PLXND1: variants seen among roughly 807,000 people sequenced by gnomAD.
PLXND1 encodes plexin D1.
A neutral mutation model predicts 197.7 loss-of-function variants in PLXND1; 54 were observed. The observed-to-expected ratio is 0.27, with a 90% CI of 0.22 to 0.34. PLXND1 has a LOEUF of 0.34. PLXND1 is among the 10% of genes least tolerant of loss of function. PLXND1 has a pLI of 1.00. For synonymous variants in PLXND1, 1,180 were observed against 1,161.2 expected, an observed-to-expected ratio of 1.02 and a Z score of -0.33; for missense variants, 2,127 against 2,699.2, an observed-to-expected ratio of 0.79 and a Z score of 4.70.
chr3:129,570,776 ATC>A lies in PLXND1; in HGVS notation c.3750+8_3750+9del. 2 of 1,613,782 alleles carry A rather than the reference ATC, an allele frequency of 1.2e-6. No individual in the cohort carries two copies. The highest frequency in any genetic ancestry group is 1.7e-6 in the Non-Finnish European group (2 of 1,179,766). On this transcript the variant is annotated splice_region_variant and intron_variant, in intron 19 of 35. Transcript: ENST00000324093. ...CAGGTCTGCCCTGCTCCGGCGCCCCATCCACTCACTGTGATGGGCAGCTGCCC... is the reference window on the plus strand; with the variant it reads ...CAGGTCTGCCCTGCTCCGGCGCCCCACACTCACTGTGATGGGCAGCTGCCC...
In PLXND1 at chr3:129,591,926, T is replaced by A. The variant is rs1478827461; in HGVS notation, c.1312-2399A>T. Among the ~76,000 whole-genome samples, 6 of 152,122 alleles carry A rather than the reference T, an allele frequency of 3.9e-5. No individual in the cohort carries two copies. The East Asian group carries it at 1.2e-3, about 29-fold the overall frequency. ...TGGTTTCCAGGACACTCAGAATAAA[T>A]CCTGAATCCTAAATCCTCCCGTGGG... On this transcript the variant is annotated intron_variant, in intron 1 of 35. Coordinates refer to ENST00000324093, the MANE Select transcript of PLXND1 (RefSeq NM_015103.3).
In PLXND1 at chr3:129,606,603, C is replaced by A. The variant is rs1301198264; in HGVS notation, c.37G>T (p.Ala13Ser). ...PRAAGGAPLSARAAAASPPPF... is the reference protein window; with the variant it reads ...PRAAGGAPLSSRAAAASPPPF... ...GGGGGGCTGGCGGCGGCGGCCCGGG[C>A]GCTAAGGGGTGCGCCGCCCGCGGCG... The change falls in exon 1 of 36, where the codon GCC (alanine) becomes TCC (serine). Residue 13 changes from alanine (A) to serine (S), a missense_variant. Ala to Ser is a moderately conservative substitution (Grantham distance 99). Transcript: ENST00000324093. 8 of 1,199,050 alleles carry A rather than the reference C, an allele frequency of 6.7e-6. No homozygotes were observed. Among genetic ancestry groups the A allele is most frequent in the Non-Finnish European group, 8.3e-6 (8 of 967,556 alleles). The allele number at this position is 1,199,050 out of a possible 1,614,324, so 74.3% of individuals were successfully genotyped here. A position where few individuals can be genotyped will look rare whatever the true frequency, so the allele number is the denominator to read the frequency against.
chr3:129,561,833 G>T lies in PLXND1; in HGVS notation c.4896C>A (p.Gly1632=). Reference sequence around the variant, plus strand: ...GGGCCAGCGTGTTAAGCTTCTTGCGGCCGTCTTCCACCACTGAGGTGTCGT... The same window carrying T: ...GGGCCAGCGTGTTAAGCTTCTTGCGTCCGTCTTCCACCACTGAGGTGTCGT... ...DLDDTSVVED[G]RKKLNTLAHY... Residue 1632 remains glycine (G), a synonymous_variant, in exon 28 of 36, where the codon GGC becomes GGA. Coordinates refer to ENST00000324093, the MANE Select transcript of PLXND1 (RefSeq NM_015103.3). The T allele has an allele frequency of 6.2e-7, 1 of 1,613,844 alleles. No individual in the cohort carries two copies. The highest frequency in any genetic ancestry group is 8.5e-7 in the Non-Finnish European group (1 of 1,179,812).
chr3:129,569,562 A>G (rs150637474), intron 20 of PLXND1: 157 of 415,558 alleles, frequency 3.8e-4, no homozygotes, highest in African/African-American at 2.7e-3. Context: ...GTAGCTCTCT[A>G]TTGACTGGAG....
At chr3:129,584,901 G>A (rs2625998) in intron 5 of PLXND1, among the ~76,000 whole-genome samples, 46,610 of 151,956 alleles carry the variant, frequency 0.31, 7,973 homozygotes, top group East Asian at 0.75. Context: ...CCACCCAGAC[G>A]CTCTTTCCAG....
At chr3:129,575,960 G>A (rs1217973875) in intron 9 of PLXND1, 105 bp from the exon 10 acceptor site, 1 of 725,022 alleles carries the variant, frequency 1.4e-6, no homozygotes, top group Non-Finnish European at 2.5e-6. Context: ...GGAAAGGTGG[G>A]CTTGGTCGAA....
chr3:129,589,310 T>TGCCACCCC, intron 2 of PLXND1, 41 bp downstream of exon 2: 5 of 501,290 alleles, frequency 1.0e-5, no homozygotes, highest in African/African-American at 4.3e-5. Context: ...CAGGGGAGCC[T>TGCCACCCC]CCCACCCCCA....
intron 19 of PLXND1, among the ~76,000 whole-genome samples, chr3:129,570,177 T>C (rs1383318323): frequency 6.6e-6 from 1 of 152,070 alleles, no homozygotes; most frequent in Non-Finnish European, 1.5e-5. Context: ...CAGAGGTGGC[T>C]CAATGCAGGG....
chr3:129,580,821 G>A (rs1000531301), intron 8 of PLXND1, among the ~76,000 whole-genome samples: 3 of 151,734 alleles, frequency 2.0e-5, no homozygotes, highest in South Asian at 2.1e-4. Flanking sequence ...CCCTCCCTAC[G>A]TCTCTGTACC....
Position 129,583,669 on chromosome 3 carries a change from G to T in PLXND1, c.2139C>A (p.Ala713=). 6.2e-7 allele frequency: 1 copy of T among 1,609,350 alleles called. No individual in the cohort carries two copies. Reference sequence around the variant, plus strand: ...ACTGTGCCGACAGGCAGCTGGTACAGCTGGAAGACAAGGAGGCCCCTCAAC... The same window carrying T: ...ACTGTGCCGACAGGCAGCTGGTACATCTGGAAGACAAGGAGGCCCCTCAAC... The part of the protein sequence containing the change: ...SRTAQVYPHT[A]CTSCLSAQWP... The change falls in exon 8 of 36, where the codon GCC becomes GCA. Residue 713 remains alanine, a splice_region_variant and synonymous_variant. Transcript: ENST00000324093.
intron 2 of PLXND1, 41 bp downstream of exon 2, chr3:129,589,310 T>TGGGGCCCCCCCCCCCCCCCCCC: frequency 2.0e-6 from 1 of 501,292 alleles, no homozygotes; most frequent in Non-Finnish European, 3.8e-6. Context: ...CAGGGGAGCC[T>TGGGGCCCCCCCCCCCCCCCCCC]CCCACCCCCA....
At position 129,572,688 on chromosome 3, in the gene PLXND1, T is replaced by C. The variant is rs747234882; in HGVS notation, c.2998A>G (p.Thr1000Ala). ...ACATGGAGGTCATTCCCATGGATGG[T>C]GATCCTGGTGCCCCCGGCCTTGGGG... ...MGPKAGGTRITIHGNDLHVGS... is the reference protein window; with the variant it reads ...MGPKAGGTRIAIHGNDLHVGS... Residue 1000 changes from threonine to alanine, a missense_variant, in exon 15 of 36, where the codon ACC (threonine) becomes GCC (alanine). Physicochemically the swap from Thr to Ala is moderately conservative, Grantham distance 58. Around this residue, in one of 6 missense-constraint regions of PLXND1, gnomAD observed 1,095 missense variants for 1,259.8 expected, o/e 0.87. Coordinates refer to ENST00000324093, the MANE Select transcript of PLXND1 (RefSeq NM_015103.3). 22 of 1,605,508 alleles carry C rather than the reference T, an allele frequency of 1.4e-5. No individual in the cohort carries two copies. Among genetic ancestry groups the C allele is most frequent in the Non-Finnish European group, 1.9e-5 (22 of 1,175,418 alleles).
chr3:129,573,648 C>T lies in PLXND1; in HGVS notation c.2783G>A (p.Trp928Ter). ...TGGCTCACAGGCCACACCACCAATC[C>T]ACACGCCGTGGGCCACGTCACTGAG... The part of the protein sequence containing the change: ...RRLSDVAHGV[W>*]IGGVACEPLP... The change falls in exon 13 of 36, where the codon TGG becomes TAG. Residue 928 changes from tryptophan to a stop codon, truncating the protein, a stop_gained. Transcript: ENST00000324093. LOFTEE classifies it high-confidence loss of function. 6.2e-7 allele frequency: 1 copy of T among 1,613,626 alleles called. No homozygotes were observed.
chr3:129,575,800 A>G lies in PLXND1; in HGVS notation c.2402T>C (p.Val801Ala), dbSNP rs77635334. Residue 801 changes from valine (V) to alanine (A), a missense_variant, in exon 10 of 36, where the codon GTG (valine) becomes GCG (alanine). Val to Ala is a moderately conservative substitution (Grantham distance 64). Around this residue, in one of 6 missense-constraint regions of PLXND1, gnomAD observed 1,095 missense variants for 1,259.8 expected, o/e 0.87. Transcript: ENST00000324093. ...GTCACAGCGTACAACAGACTCATTC[A>G]CCCACACAGCCTCGAAGATCTCCTC... is the stretch of plus-strand genomic sequence containing the variant. ...GLEEIFEAVW[V>A]NESVVRCDQV... The G allele has an allele frequency of 6.2e-7, 1 of 1,613,572 alleles. No homozygotes were observed.
At chr3:129,564,027 G>A (rs554878687) in intron 25 of PLXND1, among the ~76,000 whole-genome samples, 1 of 152,334 alleles carries the variant, frequency 6.6e-6, no homozygotes, top group East Asian at 1.9e-4. Context: ...AGGCTCATAG[G>A]GGAAGGCCTG....
chr3:129,583,094 G>C (rs1229226966), intron 8 of PLXND1, among the ~76,000 whole-genome samples: 1 of 152,210 alleles, frequency 6.6e-6, no homozygotes, highest in African/African-American at 2.4e-5. Flanking sequence ...GGGGCAGAGG[G>C]ACTTGGGTTA....
chr3:129,589,573 C>T (rs776385851), intron 1 of PLXND1, 46 bp from the exon 2 acceptor site: 17 of 1,482,504 alleles, frequency 1.1e-5, no homozygotes, highest in African/African-American at 4.3e-5. Context: ...GAACCTTCTC[C>T]GGCTCCCCGC....
At chr3:129,565,828 C>T in intron 24 of PLXND1, 59 bp downstream of exon 24, 2 of 1,572,342 alleles carry the variant, frequency 1.3e-6, no homozygotes, top group South Asian at 2.3e-5. Context: ...GGACCTGATG[C>T]TGTGTGGCCT....
rs57098603 is a variant in PLXND1 at position 129,595,921 on chromosome 3, G to GCACACACACACACACACA, written c.1312-6412_1312-6395dup. On this transcript the variant is annotated intron_variant, in intron 1 of 35. Coordinates refer to ENST00000324093, the MANE Select transcript of PLXND1 (RefSeq NM_015103.3). The stretch of plus-strand genomic sequence containing the variant: ...CTTACAGCCCTGGGGGTGCACGCAC[G>GCACACACACACACACACA]CACACACACACACACACACACACAC... 3.7e-3 allele frequency among the ~76,000 whole-genome samples: 536 copies of GCACACACACACACACACA among 146,492 alleles called. 6 individuals carry two copies. Among genetic ancestry groups the GCACACACACACACACACA allele is most frequent in the African/African-American group, 0.011 (428 of 39,584 alleles).
Sources: gnomAD v4.1 joint callset for allele counts (sites outside exome capture counted in the v4.1 genomes callset) on GRCh38, gnomAD v4.1.1 for gene constraint, gnomAD v4.1.1 regional missense constraint, MANE v1.5 for transcripts, NCBI Gene and HGNC (gene_info 2026-07-23, HGNC 2026-07-21) for gene names.